Variants in KIF7 observed in about 807,000 individuals in gnomAD.
KIF7 encodes the protein kinesin family member 7, also known as kinesin-like protein KIF7.
Under a neutral mutation model 135.7 loss-of-function variants are expected in KIF7, and 104 were observed. The observed-to-expected ratio is 0.77, with a 90% confidence interval of 0.65 to 0.90. The LOEUF is 0.90. Among genes scored for constraint, KIF7 ranks in the 40% least tolerant of loss-of-function variants. The pLI is 0.00. For missense variants in KIF7, 2,005 were observed against 1,839.1 expected (o/e 1.09, Z -1.65); for synonymous variants, 883 against 809.4 (o/e 1.09, Z -1.54).
chr15:89,650,348 A>G (rs1354033327), intron 2 of KIF7, among the ~76,000 whole-genome samples: 5 of 152,216 alleles, frequency 3.3e-5, no homozygotes, highest in Non-Finnish European at 5.9e-5. Flanking sequence ...AAAAAATGCA[A>G]ACATCCTAAG....
chr15:89,650,066 C>A (rs2142032583), intron 2 of KIF7, 125 bp from the exon 3 acceptor site: 1 of 996,600 alleles, frequency 1.0e-6, no homozygotes, highest in East Asian at 2.6e-5. Context: ...AAGGCAGTGG[C>A]CGAGGCCAGG....
At chr15:89,650,609 G>T (rs1964108670) in intron 2 of KIF7, among the ~76,000 whole-genome samples, 1 of 152,188 alleles carries the variant, frequency 6.6e-6, no homozygotes, top group African/African-American at 2.4e-5. Context: ...GGCCAGGCCG[G>T]TCTCAAACTC....
At chr15:89,632,606 C>G (rs1052312121) in intron 14 of KIF7, among the ~76,000 whole-genome samples, 4 of 152,200 alleles carry the variant, frequency 2.6e-5, no homozygotes, top group African/African-American at 9.7e-5. Context: ...CTGGAACTTA[C>G]CTGGCAGAGA....
At chr15:89,645,722 C>T (rs1303118953) in intron 8 of KIF7, among the ~76,000 whole-genome samples, 171 bp downstream of exon 8, 1 of 152,136 alleles carries the variant, frequency 6.6e-6, no homozygotes, top group Non-Finnish European at 1.5e-5. Context: ...GACCTTTCGG[C>T]TCAGTGCCCC....
In KIF7 at chr15:89,649,730, G is replaced by C. The variant is rs1199763286; in HGVS notation, c.529+11C>G. 2.7e-5 allele frequency: 42 copies of C among 1,551,310 alleles called. No homozygotes were observed. In the East Asian group the frequency reaches 3.4e-4, roughly 13 times the overall value. On this transcript the variant is annotated intron_variant, in intron 3 of 18. Transcript: ENST00000394412. ...CCCTCTCCGTCAGTGGAGGACCCCA[G>C]AGTTCCTCACCAACATTCCCGCGCT...
chr15:89,625,195 C>G (rs772879185), downstream of KIF7: 1 of 1,613,872 alleles, frequency 6.2e-7, no homozygotes, highest in South Asian at 1.1e-5. Flanking sequence ...CTGCCCCCGC[C>G]TCTCCCACAG....
chr15:89,640,321 T>C (rs948105263), intron 11 of KIF7, among the ~76,000 whole-genome samples: 5 of 151,832 alleles, frequency 3.3e-5, no homozygotes, highest in Non-Finnish European at 7.4e-5. Flanking sequence ...ATAATAATAA[T>C]AACAGTATAC....
In KIF7 at chr15:89,648,335, T is replaced by C. The variant is rs1359666117; in HGVS notation, c.1363A>G (p.Ser455Gly). 6.7e-7 allele frequency: 1 copy of C among 1,496,948 alleles called. No homozygotes were observed. Among genetic ancestry groups the C allele is most frequent in the Non-Finnish European group, 8.9e-7 (1 of 1,123,910 alleles). 92.7% of individuals were successfully genotyped at this position (1,496,948 alleles called of 1,614,324 possible). Residue 455 changes from serine (S) to glycine (G), a missense_variant, in exon 5 of 19, where the codon AGC (serine) becomes GGC (glycine). Physicochemically the swap from Ser to Gly is moderately conservative, Grantham distance 56 (BLOSUM62 0). Coordinates refer to ENST00000394412, the MANE Select transcript of KIF7 (RefSeq NM_198525.3). The part of the protein sequence containing the change: ...CAVEGERSAL[S>G]SASGPDSGIE... ...CCGCTATCGGGCCCGGAGGCGGAGC[T>C]CAGGGCGCTGCGCTCGCCCTCGACG...
chr15:89,649,695 C>G (rs1414449415), intron 3 of KIF7, 46 bp downstream of exon 3: 2 of 1,533,394 alleles, frequency 1.3e-6, no homozygotes, highest in Non-Finnish European at 1.8e-6. Context: ...CAGGTGAAGC[C>G]CCCCTAAGCC....
chr15:89,649,516 C>T (rs1311312741), intron 3 of KIF7, 149 bp from the exon 4 acceptor site: 11 of 1,074,382 alleles, frequency 1.0e-5, no homozygotes, highest in South Asian at 6.9e-5. Flanking sequence ...TTCCTAGTTC[C>T]GGCTTGAGGG....
At chr15:89,623,734 C>T, downstream of KIF7, 1 of 1,614,030 alleles carries the variant, frequency 6.2e-7, no homozygotes, top group Admixed American at 1.7e-5. Flanking sequence ...GCAGAAGTCC[C>T]CTGCAAAAAT....
the KIF7 span, among the ~76,000 whole-genome samples, chr15:89,661,808 G>C: frequency 6.6e-6 from 1 of 151,254 alleles, no homozygotes; most frequent in African/African-American, 2.4e-5. Context: ...TGCAACCTCC[G>C]CCTTCTGGTT....
At chr15:89,619,942 T>C (rs1963398166) in intron 1 of KIF7, 1 of 1,425,562 alleles carries the variant, frequency 7.0e-7, no homozygotes, top group East Asian at 2.3e-5. Context: ...TTTCTTGACA[T>C]TGGAGAAGTA....
rs3803531 is a variant in KIF7 at position 89,633,201 on chromosome 15, T to A, written c.2658A>T (p.Ala886=). 1 of 1,603,246 alleles carries A rather than the reference T, an allele frequency of 6.2e-7. No homozygotes were observed. Among genetic ancestry groups the A allele is most frequent in the Non-Finnish European group, 8.5e-7 (1 of 1,177,928 alleles). Residue 886 remains alanine, a synonymous_variant, in exon 13 of 19, where the codon GCA becomes GCT. Coordinates refer to ENST00000394412, the MANE Select transcript of KIF7 (RefSeq NM_198525.3). ...ILKIKTEEIA[A]FQRKRRSGSN... is the part of the protein sequence containing the mutation. ...TGCCACTGCGCCTCTTCCTCTGGAA[T>A]GCCGCGATCTCTTCCGTCTTAATCT...
In KIF7 at chr15:89,629,547, G is replaced by GC; in HGVS notation, c.3344_3345insG (p.His1115GlnfsTer63). 6.2e-7 allele frequency: 1 copy of GC among 1,608,858 alleles called. No individual in the cohort carries two copies. The highest frequency in any genetic ancestry group is 8.5e-7 in the Non-Finnish European group (1 of 1,179,980). ...GTTCCGAGAAGGCAATCTGCTGCTGGTGCTGCTCCTCTCGGAGCGTCACCA... is the reference window on the plus strand; with the variant it reads ...GTTCCGAGAAGGCAATCTGCTGCTGGCTGCTGCTCCTCTCGGAGCGTCACCA... On this transcript the variant is annotated frameshift_variant, in exon 17 of 19. Transcript: ENST00000394412. LOFTEE classifies it high-confidence loss of function.
At chr15:89,651,275 A>G (rs1050298621) in intron 2 of KIF7, among the ~76,000 whole-genome samples, 1 of 151,914 alleles carries the variant, frequency 6.6e-6, no homozygotes, top group African/African-American at 2.4e-5. Context: ...AATTTTTTGT[A>G]TTTTAGTAGA....
intron 1 of KIF7, chr15:89,621,611 A>C: frequency 7.1e-7 from 1 of 1,403,086 alleles, no homozygotes; most frequent in Non-Finnish European, 9.8e-7. Context: ...GACATGGCCA[A>C]GGAACTCAGA....
chr15:89,638,252 C>T (rs1963850888), intron 11 of KIF7, among the ~76,000 whole-genome samples: 1 of 110,270 alleles, frequency 9.1e-6, no homozygotes, highest in South Asian at 3.0e-4. Flanking sequence ...CAGGGATGCC[C>T]TCTCTCACCA....
chr15:89,624,994 G>T, downstream of KIF7: 2 of 1,614,092 alleles, frequency 1.2e-6, no homozygotes, highest in South Asian at 1.1e-5. Flanking sequence ...CTATGAGGTT[G>T]AGCTGGAGAT....
Sources: allele counts gnomAD v4.1 joint callset (sites outside exome capture counted in the v4.1 genomes callset), GRCh38; gene constraint gnomAD v4.1.1; transcripts MANE v1.5; gene names NCBI Gene and HGNC (gene_info 2026-07-23, HGNC 2026-07-21).